PIWIL2: variants seen among roughly 807,000 people sequenced by gnomAD.
PIWIL2 encodes piwi like RNA-mediated gene silencing 2.
In PIWIL2, 81 loss-of-function variants were observed where a neutral mutation model predicts 116.5. The ratio of observed to expected loss-of-function variants is 0.70; its 90% CI spans 0.58 to 0.84. The LOEUF (loss-of-function observed/expected upper bound fraction) is 0.84, where lower values mean the gene tolerates loss of function less well. Among genes scored for constraint, PIWIL2 ranks in the 40% least tolerant of loss-of-function variants. The pLI, the probability that PIWIL2 is intolerant of heterozygous loss-of-function variation, is 0.00. For synonymous variants in PIWIL2, 489 were observed against 429.5 expected, an observed-to-expected ratio of 1.14 and a Z score of -1.71; for missense variants, 1,272 against 1,212.3, an observed-to-expected ratio of 1.05 and a Z score of -0.73.
intron 10 of PIWIL2, among the ~76,000 whole-genome samples, chr8:22,296,985 C>T (rs1830922251): frequency 6.7e-6 from 1 of 148,514 alleles, no homozygotes; most frequent in Non-Finnish European, 1.5e-5. Context: ...ACATTCTTTC[C>T]TTTTTTTTTT....
intron 2 of PIWIL2, among the ~76,000 whole-genome samples, chr8:22,280,420 C>CTATA (rs1830473804): frequency 6.6e-6 from 1 of 152,096 alleles, no homozygotes; most frequent in Non-Finnish European, 1.5e-5. Context: ...TAATATTTGT[C>CTATA]TATAATTAAT....
At chr8:22,337,744 A>G (rs999633555) in intron 20 of PIWIL2, among the ~76,000 whole-genome samples, 9 of 151,938 alleles carry the variant, frequency 5.9e-5, no homozygotes, top group Admixed American at 1.3e-4. Context: ...AAAAAAATTA[A>G]TAATAAATAA....
chr8:22,285,937 G>A (rs1456865692), intron 6 of PIWIL2, among the ~76,000 whole-genome samples: 1 of 152,146 alleles, frequency 6.6e-6, no homozygotes, highest in African/African-American at 2.4e-5. Context: ...GAGCCACCAT[G>A]CCTGGCCAGA....
intron 13 of PIWIL2, among the ~76,000 whole-genome samples, chr8:22,307,324 A>G (rs1431532560): frequency 6.6e-6 from 1 of 152,056 alleles, no homozygotes; most frequent in Non-Finnish European, 1.5e-5. Flanking sequence ...GCCAGGCCCC[A>G]CATTTTAAGT....
intron 2 of PIWIL2, 54 bp from the exon 3 acceptor site, chr8:22,281,066 T>C (rs1376269129): frequency 9.5e-7 from 1 of 1,048,976 alleles, no homozygotes; most frequent in Non-Finnish European, 1.4e-6. Context: ...AGAAAGCCCT[T>C]GTTTCTGGGG....
intron 18 of PIWIL2, among the ~76,000 whole-genome samples, chr8:22,316,010 C>G (rs73225902): frequency 2.0e-5 from 3 of 152,296 alleles, no homozygotes; most frequent in Non-Finnish European, 4.4e-5. Flanking sequence ...ATAAGACTCA[C>G]AAAGCCTAAG....
chr8:22,302,206 G>A (rs1831066340), intron 10 of PIWIL2, among the ~76,000 whole-genome samples: 1 of 151,244 alleles, frequency 6.6e-6, no homozygotes, highest in Admixed American at 6.6e-5. Context: ...TTTTTGAGAT[G>A]GGGTCTCGCT....
At chr8:22,311,771 G>A (rs1380100436) in intron 16 of PIWIL2, among the ~76,000 whole-genome samples, 1 of 152,080 alleles carries the variant, frequency 6.6e-6, no homozygotes, top group East Asian at 1.9e-4. Flanking sequence ...TCACAACTTA[G>A]TTATTCAGGC....
At chr8:22,276,540 C>T (rs1156938585) in intron 1 of PIWIL2, among the ~76,000 whole-genome samples, 1 of 152,080 alleles carries the variant, frequency 6.6e-6, no homozygotes, top group African/African-American at 2.4e-5. Context: ...GGTCTCGAAC[C>T]CCTGACCTTG....
intron 13 of PIWIL2, 22 bp from the exon 14 acceptor site, chr8:22,307,911 T>C (rs1044229655): frequency 3.8e-6 from 6 of 1,562,874 alleles, no homozygotes; most frequent in Non-Finnish European, 4.4e-6. Flanking sequence ...TTATAAGTTA[T>C]CTTTATTTTA....
chr8:22,294,660 A>G (rs1250868834), intron 10 of PIWIL2, among the ~76,000 whole-genome samples: 5 of 150,208 alleles, frequency 3.3e-5, no homozygotes, highest in African/African-American at 7.3e-5. Context: ...AAAAAAAAAA[A>G]AAAAAAAAGA....
chr8:22,318,713 A>G (rs1831526177), intron 20 of PIWIL2, among the ~76,000 whole-genome samples: 1 of 152,232 alleles, frequency 6.6e-6, no homozygotes, highest in Non-Finnish European at 1.5e-5. Flanking sequence ...TCTCCTAAAC[A>G]GCTGCTACTG....
chr8:22,348,785 C>CT (rs749141952), intron 20 of PIWIL2, among the ~76,000 whole-genome samples: 2 of 152,284 alleles, frequency 1.3e-5, no homozygotes, highest in African/African-American at 2.4e-5. Context: ...ATGTTTCAGC[C>CT]TTGTGATTTG....
Position 22,333,065 on chromosome 8 carries a change from C to A in PIWIL2, c.2403+14790C>A, listed in dbSNP as rs538608542. Among the ~76,000 whole-genome samples, 4 of 152,052 alleles carry A rather than the reference C, an allele frequency of 2.6e-5. No homozygotes were observed. The South Asian group carries it at 8.3e-4, about 32-fold the overall frequency. On this transcript the variant is annotated intron_variant, in intron 20 of 22. Coordinates refer to ENST00000356766, the MANE Select transcript of PIWIL2 (RefSeq NM_018068.5). ...AAATGATGTCCTGATATTCATAGGT[C>A]TTTGAATTGTTGAGGAAAAGGTAAA...
chr8:22,277,783 G>C (rs1044427677), intron 1 of PIWIL2, among the ~76,000 whole-genome samples: 5 of 152,134 alleles, frequency 3.3e-5, no homozygotes, highest in African/African-American at 1.2e-4. Flanking sequence ...AAAAAGTTAG[G>C]ACTCTTATGT....
chr8:22,322,575 TGTCCTGTCCCGTCCC>T (rs904287186), intron 20 of PIWIL2, among the ~76,000 whole-genome samples: 23 of 150,782 alleles, frequency 1.5e-4, no homozygotes, highest in Admixed American at 9.3e-4. Context: ...CTGAATACCC[TGTCCTGTCCCGTCCC>T]GTCCTGTCCC....
chr8:22,330,347 C>A (rs1331924207), intron 20 of PIWIL2, among the ~76,000 whole-genome samples: 2 of 152,114 alleles, frequency 1.3e-5, no homozygotes, highest in East Asian at 3.9e-4. Flanking sequence ...GACACATTCT[C>A]ATACTTTCGT....
chr8:22,278,257 A>G (rs1369753430), intron 1 of PIWIL2, among the ~76,000 whole-genome samples: 1 of 152,156 alleles, frequency 6.6e-6, no homozygotes, highest in East Asian at 1.9e-4. Context: ...GCAGTGGCTC[A>G]CACCTATTAT....
chr8:22,345,952 A>G (rs1420120984), intron 20 of PIWIL2, among the ~76,000 whole-genome samples: 1 of 152,228 alleles, frequency 6.6e-6, no homozygotes, highest in Non-Finnish European at 1.5e-5. Flanking sequence ...ACTGACTGCC[A>G]ATGGGTATGG....
Sources: allele counts gnomAD v4.1 joint callset (sites outside exome capture counted in the v4.1 genomes callset), GRCh38; gene constraint gnomAD v4.1.1; transcripts MANE v1.5; gene names NCBI Gene and HGNC (gene_info 2026-07-23, HGNC 2026-07-21).